Variants in UNC5D observed in about 807,000 individuals in gnomAD.
The protein encoded by UNC5D is unc-5 netrin receptor D.
A neutral mutation model predicts 105.4 loss-of-function variants in UNC5D; 39 were observed. That is an observed-to-expected ratio of 0.37 (90% CI 0.29 to 0.48). UNC5D has a LOEUF of 0.48. Ranked by LOEUF, UNC5D falls within the 20% of genes least tolerant of loss-of-function variation. The pLI, the probability that UNC5D is intolerant of heterozygous loss-of-function variation, is 0.98. For synonymous variants in UNC5D, 452 were observed against 450.4 expected, an observed-to-expected ratio of 1.00 and a Z score of -0.04; for missense variants, 991 against 1,202.4, an observed-to-expected ratio of 0.82 and a Z score of 2.60.
At chr8:35,784,587 A>G (rs960182088) in intron 16 of UNC5D, among the ~76,000 whole-genome samples, 1 of 152,004 alleles carries the variant, frequency 6.6e-6, no homozygotes, top group African/African-American at 2.4e-5. Flanking sequence ...GTATCTACTA[A>G]AAGTACAAAA....
In UNC5D at chr8:35,480,868, G is replaced by A. The variant is rs574570543; in HGVS notation, c.104-68424G>A. Among the ~76,000 whole-genome samples the A allele has an allele frequency of 2.0e-5, 3 of 152,306 alleles. No homozygotes were observed. In the South Asian group the frequency reaches 6.2e-4, roughly 32 times the overall value. ...AGTTTCCCTTCACTGAGATGAGGAAGAATTTGGTACAGTCTGTTTGGATGG... is the reference window on the plus strand; with the variant it reads ...AGTTTCCCTTCACTGAGATGAGGAAAAATTTGGTACAGTCTGTTTGGATGG... On this transcript the variant is annotated intron_variant, in intron 1 of 16. Transcript: ENST00000404895.
intron 7 of UNC5D, among the ~76,000 whole-genome samples, chr8:35,695,125 C>T (rs1367999289): frequency 2.0e-5 from 3 of 152,240 alleles, no homozygotes; most frequent in Non-Finnish European, 2.9e-5. Context: ...GAAATACTGT[C>T]CGCTGTCAAA....
chr8:35,614,346 A>G (rs2130995255), intron 4 of UNC5D, among the ~76,000 whole-genome samples: 1 of 152,248 alleles, frequency 6.6e-6, no homozygotes, highest in Admixed American at 6.5e-5. Flanking sequence ...TAAAAGTAAG[A>G]CTCTTAATAA....
At chr8:35,609,821 A>C (rs894182573) in intron 4 of UNC5D, among the ~76,000 whole-genome samples, 1 of 152,112 alleles carries the variant, frequency 6.6e-6, no homozygotes, top group African/African-American at 2.4e-5. Context: ...CACCACTGGA[A>C]AGGGATGTAG....
chr8:35,432,999 C>T (rs1036769470), intron 1 of UNC5D, among the ~76,000 whole-genome samples: 4 of 152,064 alleles, frequency 2.6e-5, no homozygotes, highest in Admixed American at 2.6e-4. Context: ...GAGACCATGT[C>T]GTAAACATAA....
At chr8:35,342,929 C>A (rs1043105325) in intron 1 of UNC5D, among the ~76,000 whole-genome samples, 10 of 152,028 alleles carry the variant, frequency 6.6e-5, no homozygotes, top group African/African-American at 2.4e-4. Flanking sequence ...TAAACAAATA[C>A]CTCTGCTACA....
intron 4 of UNC5D, among the ~76,000 whole-genome samples, chr8:35,657,084 A>G (rs76797163): frequency 0.056 from 2,496 of 44,720 alleles, 15 homozygotes; most frequent in African/African-American, 0.069. Flanking sequence ...GTGTGTGTAT[A>G]TATATATATA....
At chr8:35,347,742 T>G (rs1389025222) in intron 1 of UNC5D, among the ~76,000 whole-genome samples, 1 of 151,980 alleles carries the variant, frequency 6.6e-6, no homozygotes, top group South Asian at 2.1e-4. Context: ...TCGGTGCTCT[T>G]TGTACTTCAT....
chr8:35,290,660 G>A (rs1370904681), intron 1 of UNC5D, among the ~76,000 whole-genome samples: 2 of 152,056 alleles, frequency 1.3e-5, no homozygotes, highest in African/African-American at 4.8e-5. Context: ...AAAAAAAGAA[G>A]TGTGGAGGCC....
intron 1 of UNC5D, among the ~76,000 whole-genome samples, chr8:35,476,075 C>T (rs533308306): frequency 5.0e-4 from 76 of 152,332 alleles, no homozygotes; most frequent in East Asian, 9.6e-4. Context: ...CAACATCTCT[C>T]GCTCTGGATT....
At chr8:35,435,551 T>C (rs1806951341) in intron 1 of UNC5D, among the ~76,000 whole-genome samples, 1 of 152,140 alleles carries the variant, frequency 6.6e-6, no homozygotes, top group African/African-American at 2.4e-5. Context: ...TCCAATTGAC[T>C]ACATCATTAT....
At chr8:35,660,375 T>C (rs1824034455) in intron 4 of UNC5D, among the ~76,000 whole-genome samples, 1 of 152,204 alleles carries the variant, frequency 6.6e-6, no homozygotes, top group Non-Finnish European at 1.5e-5. Flanking sequence ...TTTTCTTCCT[T>C]AATATTCATG....
At chr8:35,463,774 G>A (rs1213822808) in intron 1 of UNC5D, among the ~76,000 whole-genome samples, 1 of 147,470 alleles carries the variant, frequency 6.8e-6, no homozygotes, top group Non-Finnish European at 1.5e-5. Flanking sequence ...CTGGGCAACA[G>A]AGCAATAACC....
chr8:35,657,079 T>C (rs1823800538), intron 4 of UNC5D, among the ~76,000 whole-genome samples: 1 of 83,614 alleles, frequency 1.2e-5, no homozygotes, highest in African/African-American at 6.9e-5. Flanking sequence ...TGTGTGTGTG[T>C]GTATATATAT....
intron 1 of UNC5D, among the ~76,000 whole-genome samples, chr8:35,457,306 G>T (rs1050466856): frequency 2.0e-5 from 3 of 152,128 alleles, no homozygotes; most frequent in African/African-American, 7.2e-5. Flanking sequence ...TCAAGTGTCA[G>T]ACTAGAGGCT....
chr8:35,431,250 T>A (rs1806613714), intron 1 of UNC5D, among the ~76,000 whole-genome samples: 1 of 152,168 alleles, frequency 6.6e-6, no homozygotes, highest in Non-Finnish European at 1.5e-5. Context: ...GTTAGTGAAG[T>A]TCATTTGAGG....
chr8:35,487,707 CTGAG>C (rs1810926688), intron 1 of UNC5D, among the ~76,000 whole-genome samples: 2 of 151,972 alleles, frequency 1.3e-5, no homozygotes, highest in African/African-American at 4.8e-5. Flanking sequence ...GGCTTTGGAA[CTGAG>C]TGAGGGATAT....
At chr8:35,244,170 G>A (rs550459149) in intron 1 of UNC5D, among the ~76,000 whole-genome samples, 16 of 152,298 alleles carry the variant, frequency 1.1e-4, no homozygotes, top group African/African-American at 3.6e-4. Flanking sequence ...TTGAACAGAT[G>A]ATGAAATTAA....
At chr8:35,422,862 C>T (rs925588263) in intron 1 of UNC5D, among the ~76,000 whole-genome samples, 1 of 152,122 alleles carries the variant, frequency 6.6e-6, no homozygotes. Context: ...AGCCCGTGCT[C>T]CCCCTAGTCT....
Sources: gnomAD v4.1 joint callset for allele counts (sites outside exome capture counted in the v4.1 genomes callset) on GRCh38, gnomAD v4.1.1 for gene constraint, MANE v1.5 for transcripts, NCBI Gene and HGNC (gene_info 2026-07-23, HGNC 2026-07-21) for gene names.